NDUFA11: variants seen among roughly 807,000 people sequenced by gnomAD.
NDUFA11 encodes NADH dehydrogenase [ubiquinone] 1 alpha subcomplex subunit 11.
NDUFA11 carries 14 observed loss-of-function variants against 11.3 expected under a neutral mutation model. The ratio of observed to expected loss-of-function variants is 1.24; its 90% CI spans 0.82 to 1.94. The LOEUF (loss-of-function observed/expected upper bound fraction) is 1.94. Ranked by LOEUF, NDUFA11 falls within the 30% of genes most tolerant of loss-of-function variation. The pLI, the probability that NDUFA11 is intolerant of heterozygous loss-of-function variation, is 0.00. For missense variants in NDUFA11, 204 were observed against 200.3 expected (o/e 1.02, Z -0.11); for synonymous variants, 87 against 85.6 (o/e 1.02, Z -0.09).
chr19:5,892,785 A>C, downstream of NDUFA11: 6 of 1,194,388 alleles, frequency 5.0e-6, no homozygotes, highest in Non-Finnish European at 5.5e-6. Context: ...CCGTGAGTGG[A>C]TGGGATGCCT....
At position 5,896,524 on chromosome 19, in the gene NDUFA11, C is replaced by A; in HGVS notation, c.242G>T (p.Arg81Leu). The A allele has an allele frequency of 1.3e-6, 2 of 1,569,272 alleles. No individual in the cohort carries two copies. The highest frequency in any genetic ancestry group is 2.7e-5 in the African/African-American group (2 of 74,148). The change falls in exon 3 of 4, where the codon CGC (arginine) becomes CTC (leucine). Residue 81 changes from arginine (R) to leucine (L), a missense_variant. Physicochemically the swap from Arg to Leu is moderately radical, Grantham distance 102. Transcript: ENST00000308961. The surrounding 1 kb of genome is among the most constrained non-coding windows in gnomAD (Gnocchi z 5.8). Reference sequence around the variant, plus strand: ...GTTCAGGGGGTCGTCGGGCTTCTCGCGGACATGGGCGCTGATGCAGGTGGT... The same window carrying A: ...GTTCAGGGGGTCGTCGGGCTTCTCGAGGACATGGGCGCTGATGCAGGTGGT... ...GLTTCISAHV[R>L]EKPDDPLNYF...
intron 3 of NDUFA11, 44 bp from the exon 4 acceptor site, chr19:5,894,898 C>A: frequency 6.5e-7 from 1 of 1,550,330 alleles, no homozygotes; most frequent in Non-Finnish European, 8.7e-7. Flanking sequence ...TGGGGCTCGG[C>A]CGGACCAAGA....
chr19:5,892,247 C>T (rs73548332), downstream of NDUFA11: 2,882 of 153,242 alleles, frequency 0.019, 101 homozygotes, highest in African/African-American at 0.066. Context: ...CTGGGAGGTG[C>T]GAAGGGGCGT....
At position 5,896,189 on chromosome 19, in the gene NDUFA11, A is replaced by T; in HGVS notation, c.313+264T>A. On this transcript the variant is annotated intron_variant, in intron 3 of 3. Coordinates refer to ENST00000308961, the MANE Select transcript of NDUFA11 (RefSeq NM_175614.5). The surrounding 1 kb of genome is among the most constrained non-coding windows in gnomAD (Gnocchi z 5.8). ...GCCCTGGGGCAGGACTGTACCTGGC[A>T]TGTGGGAGGAGCAGTGAGGAGGCCC... The T allele has an allele frequency of 5.1e-6, 3 of 586,978 alleles. No individual in the cohort carries two copies. The East Asian group carries it at 8.6e-5, about 17-fold the overall frequency. 36.4% of individuals were successfully genotyped at this position (586,978 alleles called of 1,614,324 possible). A position where few individuals can be genotyped will look rare whatever the true frequency, so the allele number is the denominator to read the frequency against.
chr19:5,898,082 C>T (rs1036669550), intron 1 of NDUFA11, among the ~76,000 whole-genome samples: 8 of 152,222 alleles, frequency 5.3e-5, no homozygotes, highest in South Asian at 2.1e-4. Context: ...TCATCCTTCT[C>T]GGGGCCCGAT....
chr19:5,901,450 C>T (rs2057644862), intron 1 of NDUFA11: 2 of 1,286,610 alleles, frequency 1.6e-6, no homozygotes, highest in Admixed American at 4.6e-5. Context: ...ACCTTCAGTC[C>T]CTACCTGTAA....
chr19:5,894,823 G>A lies in NDUFA11; in HGVS notation c.345C>T (p.Cys115=), dbSNP rs536499962. The change falls in exon 4 of 4, where the codon TGC becomes TGT. Residue 115 remains cysteine (C), a synonymous_variant. Transcript: ENST00000308961. ...THNYGIGAAA[C]VYFGIAASLV... ...GGGAGGCCGCTATGCCAAAGTACAC[G>A]CAGGCGGCGGCGCCAATCCCGTAGT... is the stretch of plus-strand genomic sequence containing the variant. 1.5e-4 allele frequency: 241 copies of A among 1,612,186 alleles called. 2 individuals are homozygous for A. In the South Asian group the frequency reaches 2.4e-3, roughly 16 times the overall value.
At position 5,896,635 on chromosome 19, in the gene NDUFA11, C is replaced by A. The variant is rs748228054; in HGVS notation, c.191-60G>T. 3 of 1,550,874 alleles carry A rather than the reference C, an allele frequency of 1.9e-6. No individual in the cohort carries two copies. The highest frequency in any genetic ancestry group is 2.6e-6 in the Non-Finnish European group (3 of 1,147,666). On this transcript the variant is annotated intron_variant, in intron 2 of 3. Transcript: ENST00000308961. This position sits in a 1 kb window ranked among gnomAD's most constrained non-coding sequence, Gnocchi z 5.8. ...ACGGGCACAGCAGGAGCCTCTTGGG[C>A]GCTCACTGCCAGTGTCTGGATGGAG...
downstream of NDUFA11, chr19:5,892,955 ACT>A (rs1378343577): frequency 5.4e-6 from 8 of 1,468,664 alleles, no homozygotes; most frequent in Non-Finnish European, 7.2e-6. Context: ...TTTAACAATG[ACT>A]CTATTAGGGC....
chr19:5,900,910 C>CAAAAAAAA (rs1305134254), intron 1 of NDUFA11, among the ~76,000 whole-genome samples: 2 of 51,548 alleles, frequency 3.9e-5, no homozygotes, highest in African/African-American at 7.2e-5. Flanking sequence ...GACTCCGTCT[C>CAAAAAAAA]AAAAAAAAAA....
rs1568430980 is a variant in NDUFA11, at chr19:5,896,674, G to A, written c.191-99C>T. 3 of 1,525,358 alleles carry A rather than the reference G, an allele frequency of 2.0e-6. No individual in the cohort carries two copies. Among genetic ancestry groups the A allele is most frequent in the Non-Finnish European group, 2.7e-6 (3 of 1,126,590 alleles). 94.5% of individuals were successfully genotyped at this position (1,525,358 alleles called of 1,614,324 possible). ...GTCTGGATGGAGAGAGATGCCACGA[G>A]TCGGCTGCTCGCTGTGCATGGCAGC... On this transcript the variant is annotated intron_variant, in intron 2 of 3. Transcript: ENST00000308961. This position sits in a 1 kb window ranked among gnomAD's most constrained non-coding sequence, Gnocchi z 5.8.
downstream of NDUFA11, chr19:5,893,147 G>A: frequency 6.5e-7 from 1 of 1,536,092 alleles, no homozygotes; most frequent in Non-Finnish European, 8.7e-7. The surrounding 1 kb of genome is among the most constrained non-coding windows in gnomAD (Gnocchi z 4.1). Flanking sequence ...AGGACTTCGA[G>A]GCAGGCGCTG....
chr19:5,891,951 G>A (rs1438135270), downstream of NDUFA11: 1 of 152,304 alleles, frequency 6.6e-6, no homozygotes, highest in Non-Finnish European at 1.5e-5. Context: ...TGGGACCGAT[G>A]TTCCAGACGG....
chr19:5,894,843 C>T lies in NDUFA11; in HGVS notation c.325G>A (p.Gly109Arg), dbSNP rs780584061. 16 of 1,607,104 alleles carry T rather than the reference C, an allele frequency of 1.0e-5. No individual in the cohort carries two copies. The highest frequency in any genetic ancestry group is 5.4e-5 in the African/African-American group (4 of 74,750). ...TACACGCAGGCGGCGGCGCCAATCC[C>T]GTAGTTGTGCGCTGTGGGAGTGGGG... ...LTLGARTHNY[G>R]IGAAACVYFG... is the part of the protein sequence containing the mutation. The change falls in exon 4 of 4, where the codon GGG (glycine) becomes AGG (arginine). Residue 109 changes from glycine to arginine, a missense_variant. Transcript: ENST00000308961.
In NDUFA11 at chr19:5,896,812, G is replaced by C. The variant is rs2057612750; in HGVS notation, c.190+93C>G. The C allele has an allele frequency of 7.9e-7, 1 of 1,258,830 alleles. No individual in the cohort carries two copies. The highest frequency in any genetic ancestry group is 1.2e-6 in the Non-Finnish European group (1 of 860,252). 78.0% of individuals were successfully genotyped at this position (1,258,830 alleles called of 1,614,324 possible). On this transcript the variant is annotated intron_variant, in intron 2 of 3. Coordinates refer to ENST00000308961, the MANE Select transcript of NDUFA11 (RefSeq NM_175614.5). The surrounding 1 kb of genome is among the most constrained non-coding windows in gnomAD (Gnocchi z 5.8). ...GGCCAGCACTGTGGACACGGGCTGG[G>C]GAGTCAGAGAGAAGAGGCAGCCGTC...
Position 5,896,121 on chromosome 19 carries a change from G to T in NDUFA11, c.313+332C>A, listed in dbSNP as rs2057606336. ...GCTTGTACACAGGGTGGTCAGGACA[G>T]TGAGGGGAACAGCATTCCACGCAGT... On this transcript the variant is annotated intron_variant, in intron 3 of 3. Coordinates refer to ENST00000308961, the MANE Select transcript of NDUFA11 (RefSeq NM_175614.5). The surrounding 1 kb of genome is among the most constrained non-coding windows in gnomAD (Gnocchi z 5.8). 1 of 558,252 alleles carries T rather than the reference G, an allele frequency of 1.8e-6. No individual in the cohort carries two copies. Among genetic ancestry groups the T allele is most frequent in the East Asian group, 2.9e-5 (1 of 34,810 alleles). 34.6% of individuals were successfully genotyped at this position (558,252 alleles called of 1,614,324 possible).
At chr19:5,901,613 A>C in intron 1 of NDUFA11, 1 of 379,270 alleles carries the variant, frequency 2.6e-6, no homozygotes, top group Non-Finnish European at 4.8e-6. Flanking sequence ...AGAGTTGACC[A>C]AATTGATTCC....
intron 1 of NDUFA11, 114 bp downstream of exon 1, chr19:5,903,498 A>G (rs952889294): frequency 7.8e-6 from 8 of 1,019,134 alleles, no homozygotes; most frequent in Non-Finnish European, 1.2e-5. Flanking sequence ...CCCGATGACA[A>G]CCACGTGCGT....
intron 1 of NDUFA11, among the ~76,000 whole-genome samples, chr19:5,899,004 C>A (rs1464459631): frequency 6.6e-6 from 1 of 151,996 alleles, no homozygotes; most frequent in Admixed American, 6.5e-5. Flanking sequence ...GCCGTCCCCC[C>A]AGGACTCCCC....
Sources: gnomAD v4.1 joint callset for allele counts (sites outside exome capture counted in the v4.1 genomes callset) on GRCh38, gnomAD v4.1.1 for gene constraint, Gnocchi (gnomAD v3.1) non-coding constraint, MANE v1.5 for transcripts, NCBI Gene and HGNC (gene_info 2026-07-23, HGNC 2026-07-21) for gene names.